Variants in IPO7 observed in about 807,000 individuals in gnomAD.
The protein encoded by IPO7 is importin 7, also known as importin-7.
A neutral mutation model predicts 136.4 loss-of-function variants in IPO7; 13 were observed. The observed-to-expected ratio is 0.10, with a 90% CI of 0.06 to 0.15. The LOEUF (loss-of-function observed/expected upper bound fraction) is 0.15. IPO7 is among the 10% of genes least tolerant of loss of function. IPO7 has a pLI of 1.00. For synonymous variants in IPO7, 403 were observed against 404.4 expected, an observed-to-expected ratio of 1.00 and a Z score of 0.04; for missense variants, 857 against 1,240.6, an observed-to-expected ratio of 0.69 and a Z score of 4.65.
At chr11:9,424,881 G>A (rs1855182289) in intron 10 of IPO7, 33 bp from the exon 11 acceptor site, 1 of 1,292,336 alleles carries the variant, frequency 7.7e-7, no homozygotes, top group African/African-American at 1.5e-5. Context: ...AGAAATTAAT[G>A]TTTATTGTCT....
intron 1 of IPO7, among the ~76,000 whole-genome samples, chr11:9,401,469 C>T (rs1450553209): frequency 6.6e-6 from 1 of 151,582 alleles, no homozygotes; most frequent in African/African-American, 2.4e-5. Context: ...AAGGCAGGAG[C>T]TCCTGAGCCT....
chr11:9,400,042 T>TA (rs1423653117), intron 1 of IPO7, among the ~76,000 whole-genome samples: 2 of 152,202 alleles, frequency 1.3e-5, no homozygotes, highest in Admixed American at 1.3e-4. Flanking sequence ...TAAAATGGTG[T>TA]AGTATTTGCT....
intron 1 of IPO7, among the ~76,000 whole-genome samples, chr11:9,397,361 T>TATATATATATATATATATATATATATATA (rs377148636): frequency 2.4e-4 from 10 of 42,264 alleles, no homozygotes; most frequent in South Asian, 1.0e-3. Context: ...TATATATATA[T>TATATATATATATATATATATATATATATA]ATATTAGTCG....
chr11:9,420,787 A>C (rs1855115989), intron 8 of IPO7, 89 bp downstream of exon 8: 1 of 890,816 alleles, frequency 1.1e-6, no homozygotes, highest in Non-Finnish European at 1.8e-6. Flanking sequence ...TTGACATCTA[A>C]AGAGTGCCTG....
In IPO7 at chr11:9,390,358, A is replaced by C. The variant is rs1221579991; in HGVS notation, c.84+5511A>C. Among the ~76,000 whole-genome samples, 4 of 151,542 alleles carry C rather than the reference A, an allele frequency of 2.6e-5. No individual in the cohort carries two copies. In the South Asian group the frequency reaches 6.2e-4, roughly 24 times the overall value. ...TTGGGATTGTCACAAAAGGTTAACTATTACTGCTGTATGTGATATACCTTA... is the reference window on the plus strand; with the variant it reads ...TTGGGATTGTCACAAAAGGTTAACTCTTACTGCTGTATGTGATATACCTTA... On this transcript the variant is annotated intron_variant, in intron 1 of 24. Coordinates refer to ENST00000379719, the MANE Select transcript of IPO7 (RefSeq NM_006391.3).
chr11:9,409,992 A>G lies in IPO7; in HGVS notation c.385A>G (p.Ile129Val), dbSNP rs1045884231. 6 of 1,608,822 alleles carry G rather than the reference A, an allele frequency of 3.7e-6. No individual in the cohort carries two copies. The highest frequency in any genetic ancestry group is 5.1e-6 in the Non-Finnish European group (6 of 1,177,744). ...KHDYPSRWTA[I>V]VDKIGFYLQS... ...TGATTATCCAAGCCGCTGGACTGCC[A>G]TTGTGGACAAAATTGGCTTTTATCT... is the stretch of plus-strand genomic sequence containing the variant. Residue 129 changes from isoleucine to valine, a missense_variant, in exon 4 of 25, where the codon ATT becomes GTT. Around this residue, in one of 11 missense-constraint regions of IPO7, gnomAD observed 287 missense variants for 307.5 expected, o/e 0.93. Transcript: ENST00000379719.
At position 9,429,041 on chromosome 11, in the gene IPO7, T is replaced by C. The variant is rs1335241489; in HGVS notation, c.1436T>C (p.Val479Ala). 6 of 1,613,326 alleles carry C rather than the reference T, an allele frequency of 3.7e-6. No homozygotes were observed. The African/African-American group carries it at 5.3e-5, about 14-fold the overall frequency. ...LGYMRARACWVLHYFCEVKFK... is the reference protein window; with the variant it reads ...LGYMRARACWALHYFCEVKFK... Reference sequence around the variant, plus strand: ...GTGTTTTTACAAAAGGCTTGCTGGGTACTTCACTATTTTTGTGAAGTGAAG... The same window carrying C: ...GTGTTTTTACAAAAGGCTTGCTGGGCACTTCACTATTTTTGTGAAGTGAAG... Residue 479 changes from valine (V) to alanine (A), a missense_variant, in exon 14 of 25, where the codon GTA becomes GCA. By Grantham distance (64) the Val-to-Ala change is moderately conservative. Around this residue, in one of 11 missense-constraint regions of IPO7, gnomAD observed 127 missense variants for 222.4 expected, o/e 0.57. Coordinates refer to ENST00000379719, the MANE Select transcript of IPO7 (RefSeq NM_006391.3).
At chr11:9,389,906 AC>A (rs1451766702) in intron 1 of IPO7, among the ~76,000 whole-genome samples, 1 of 151,990 alleles carries the variant, frequency 6.6e-6, no homozygotes, top group Non-Finnish European at 1.5e-5. Context: ...AAAGGAATGC[AC>A]CACCACACAC....
At chr11:9,442,791 G>A (rs147846482) in intron 24 of IPO7, among the ~76,000 whole-genome samples, 1,713 of 151,774 alleles carry the variant, frequency 0.011, 45 homozygotes, top group African/African-American at 0.039. Context: ...GGGAGGCCAC[G>A]GTGGGTGGAT....
In IPO7 at chr11:9,446,799, G is replaced by A. The variant is rs996901309; in HGVS notation, c.*1605G>A. On this transcript the variant is annotated 3_prime_UTR_variant, in exon 25 of 25. Coordinates refer to ENST00000379719, the MANE Select transcript of IPO7 (RefSeq NM_006391.3). The stretch of plus-strand genomic sequence containing the variant: ...GTATACCAATAATTAAGCCACTACT[G>A]TTGGCACTGTTTGGTTTTCTATTTT... 2.6e-5 allele frequency: 4 copies of A among 152,160 alleles called. No individual in the cohort carries two copies. Among genetic ancestry groups the A allele is most frequent in the Admixed American group, 2.6e-4 (4 of 15,278 alleles). 9.4% of individuals were successfully genotyped at this position (152,160 alleles called of 1,614,324 possible).
At chr11:9,406,546 C>A (rs1354405712) in intron 2 of IPO7, among the ~76,000 whole-genome samples, 1 of 151,718 alleles carries the variant, frequency 6.6e-6, no homozygotes, top group East Asian at 1.9e-4. Flanking sequence ...TGGAATTGGT[C>A]AAAAAATTTA....
At chr11:9,439,927 T>C (rs1429609136) in intron 22 of IPO7, among the ~76,000 whole-genome samples, 1 of 152,208 alleles carries the variant, frequency 6.6e-6, no homozygotes, top group Non-Finnish European at 1.5e-5. Flanking sequence ...GGTCTTAATG[T>C]TGACTAAATT....
At position 9,414,235 on chromosome 11, in the gene IPO7, G is replaced by A. The variant is rs1033791569; in HGVS notation, c.480-20G>A. 1.3e-6 allele frequency: 2 copies of A among 1,575,584 alleles called. No individual in the cohort carries two copies. The highest frequency in any genetic ancestry group is 1.4e-5 in the African/African-American group (1 of 73,276). On this transcript the variant is annotated intron_variant, in intron 4 of 24. Coordinates refer to ENST00000379719, the MANE Select transcript of IPO7 (RefSeq NM_006391.3). ...GTGGAAATAAATTCTTACAGAATTA[G>A]TTTGTATTCCTACTCAAAGGTATAA... is the stretch of plus-strand genomic sequence containing the variant.
At chr11:9,435,060 TG>T in intron 19 of IPO7, 29 bp downstream of exon 19, 1 of 1,269,878 alleles carries the variant, frequency 7.9e-7, no homozygotes, top group Non-Finnish European at 1.1e-6. Context: ...TCAGATTTCA[TG>T]AGGCTTCTGC....
rs1395915681 is a variant in IPO7 at position 9,438,064 on chromosome 11, T to TG, written c.2490-16_2490-15insG. 22 of 1,073,914 alleles carry TG rather than the reference T, an allele frequency of 2.0e-5. No individual in the cohort carries two copies. Among genetic ancestry groups the TG allele is most frequent in the Admixed American group, 3.3e-5 (1 of 30,712 alleles). The allele number at this position is 1,073,914 out of a possible 1,614,324, so 66.5% of individuals were successfully genotyped here. On this transcript the variant is annotated splice_polypyrimidine_tract_variant and intron_variant, in intron 21 of 24. Transcript: ENST00000379719. The stretch of plus-strand genomic sequence containing the variant: ...AAAACAGTTTTTTTTTTTTTTTTTT[T>TG]TTTTTTTTTTTTTAGGCTTCATGAC...
chr11:9,430,482 G>T (rs1855278321), intron 15 of IPO7: 1 of 168,112 alleles, frequency 5.9e-6, no homozygotes, highest in Non-Finnish European at 1.3e-5. Flanking sequence ...ATAATCGATT[G>T]AATTTTACAA....
chr11:9,447,463 CTT>C lies in IPO7; in HGVS notation c.*2271_*2272del, dbSNP rs1855544606. 1 of 152,032 alleles carries C rather than the reference CTT, an allele frequency of 6.6e-6. No homozygotes were observed. Among genetic ancestry groups the C allele is most frequent in the Non-Finnish European group, 1.5e-5 (1 of 68,004 alleles). 9.4% of individuals were successfully genotyped at this position (152,032 alleles called of 1,614,324 possible). A position where few individuals can be genotyped will look rare whatever the true frequency, so the allele number is the denominator to read the frequency against. ...TATATACCTCAGTTTTCATGATTTC[CTT>C]TAACATTATAATTTGGTATAGATCA... On this transcript the variant is annotated 3_prime_UTR_variant, in exon 25 of 25. Transcript: ENST00000379719.
intron 1 of IPO7, among the ~76,000 whole-genome samples, chr11:9,390,826 G>A (rs1854622258): frequency 6.6e-6 from 1 of 151,946 alleles, no homozygotes; most frequent in Non-Finnish European, 1.5e-5. Flanking sequence ...CTGGAATGCA[G>A]TGGCGCAGTC....
intron 12 of IPO7, 123 bp from the exon 13 acceptor site, chr11:9,428,417 T>C: frequency 2.1e-6 from 1 of 476,320 alleles, no homozygotes; most frequent in Non-Finnish European, 3.8e-6. Context: ...GATTCTGGGG[T>C]TCAAAGAATG....
Sources: gnomAD v4.1 joint callset for allele counts (sites outside exome capture counted in the v4.1 genomes callset) on GRCh38, gnomAD v4.1.1 for gene constraint, gnomAD v4.1.1 regional missense constraint, MANE v1.5 for transcripts, NCBI Gene and HGNC (gene_info 2026-07-23, HGNC 2026-07-21) for gene names.